Variants in LRRC75A observed in about 807,000 individuals in gnomAD.
LRRC75A encodes the protein leucine rich repeat containing 75A.
LRRC75A carries 12 observed loss-of-function variants against 26.0 expected under a neutral mutation model. The ratio of observed to expected loss-of-function variants is 0.46; its 90% CI spans 0.30 to 0.75. LRRC75A has a LOEUF of 0.75. Ranked by LOEUF, LRRC75A falls within the 30% of genes least tolerant of loss-of-function variation. The pLI, the probability that LRRC75A is intolerant of heterozygous loss-of-function variation, is 0.08. For synonymous variants in LRRC75A, 223 were observed against 219.3 expected, an observed-to-expected ratio of 1.02 and a Z score of -0.15; for missense variants, 410 against 486.6, an observed-to-expected ratio of 0.84 and a Z score of 1.48.
In LRRC75A at chr17:16,491,523, C is replaced by T. The variant is rs546026761; in HGVS notation, c.246+222G>A. On this transcript the variant is annotated intron_variant, in intron 1 of 3. Transcript: ENST00000470794. This position sits in a 1 kb window ranked among gnomAD's most constrained non-coding sequence, Gnocchi z 5.9. ...CATTATGCCAACAGGTCCCCTTCGGCGGGCCTCACCCGGCCAGCCTTCCTC... is the reference window on the plus strand; with the variant it reads ...CATTATGCCAACAGGTCCCCTTCGGTGGGCCTCACCCGGCCAGCCTTCCTC... 1.6e-3 allele frequency among the ~76,000 whole-genome samples: 240 copies of T among 152,344 alleles called. No individual in the cohort carries two copies. The highest frequency in any genetic ancestry group is 5.2e-3 in the African/African-American group (217 of 41,600).
intron 1 of LRRC75A, among the ~76,000 whole-genome samples, chr17:16,482,987 G>T (rs1306058595): frequency 6.6e-6 from 1 of 152,252 alleles, no homozygotes; most frequent in Non-Finnish European, 1.5e-5. Flanking sequence ...CTGGAGTGGG[G>T]ACAGGCTCCA....
chr17:16,452,329 A>C (rs1315970126), intron 2 of LRRC75A, among the ~76,000 whole-genome samples: 1 of 151,940 alleles, frequency 6.6e-6, no homozygotes, highest in Non-Finnish European at 1.5e-5. Context: ...CACTCCAGAC[A>C]GGGTGAGACC....
chr17:16,489,421 G>A (rs1172108854), intron 1 of LRRC75A, among the ~76,000 whole-genome samples: 1 of 152,204 alleles, frequency 6.6e-6, no homozygotes, highest in African/African-American at 2.4e-5. Context: ...CTGAGGAAGA[G>A]GTTCTTGCTG....
intron 1 of LRRC75A, among the ~76,000 whole-genome samples, chr17:16,486,019 C>G (rs1024787781): frequency 1.3e-5 from 2 of 152,190 alleles, no homozygotes; most frequent in Admixed American, 6.5e-5. Flanking sequence ...AGCCAAACCC[C>G]GCTGTCTCCT....
chr17:16,462,144 C>T lies in LRRC75A; in HGVS notation c.375+114G>A, dbSNP rs1170113283. On this transcript the variant is annotated intron_variant, in intron 2 of 3. Coordinates refer to ENST00000470794, the MANE Select transcript of LRRC75A (RefSeq NM_001113567.3). The surrounding 1 kb of genome is among the most constrained non-coding windows in gnomAD (Gnocchi z 4.6). ...AAGCTCTTGGTGCCTGGAGGACGGG[C>T]TTGTCCTCCTTGGGCCTGTCTGCCA... is the stretch of plus-strand genomic sequence containing the variant. The T allele has an allele frequency of 3.7e-6, 5 of 1,356,050 alleles. No homozygotes were observed. In the Admixed American group the frequency reaches 6.7e-5, roughly 18 times the overall value. 84.0% of individuals were successfully genotyped at this position (1,356,050 alleles called of 1,614,324 possible).
chr17:16,454,781 G>T (rs1343378655), intron 2 of LRRC75A, among the ~76,000 whole-genome samples: 1 of 151,908 alleles, frequency 6.6e-6, no homozygotes, highest in Non-Finnish European at 1.5e-5. Flanking sequence ...TGGGGTTTGG[G>T]GTCTTCATTT....
intron 1 of LRRC75A, among the ~76,000 whole-genome samples, chr17:16,487,645 G>C (rs1343753213): frequency 3.9e-5 from 6 of 152,208 alleles, no homozygotes; most frequent in Non-Finnish European, 8.8e-5. Context: ...ATGTTGCTCA[G>C]GCTGGTCTTG....
intron 3 of LRRC75A, among the ~76,000 whole-genome samples, chr17:16,445,085 G>A (rs1362453684): frequency 6.7e-6 from 1 of 149,416 alleles, no homozygotes; most frequent in Non-Finnish European, 1.5e-5. Flanking sequence ...CTGACCTCAG[G>A]TAATCCACCC....
At chr17:16,452,501 G>A (rs574541359) in intron 2 of LRRC75A, among the ~76,000 whole-genome samples, 32 of 151,738 alleles carry the variant, frequency 2.1e-4, no homozygotes, top group Non-Finnish European at 3.1e-4. Context: ...GCAGTGGCGC[G>A]GTCTTGGCTC....
At chr17:16,484,759 AG>A (rs1391760607) in intron 1 of LRRC75A, among the ~76,000 whole-genome samples, 1 of 152,126 alleles carries the variant, frequency 6.6e-6, no homozygotes, top group Non-Finnish European at 1.5e-5. Flanking sequence ...GCGGACACTG[AG>A]GGCCGAGCAG....
intron 1 of LRRC75A, among the ~76,000 whole-genome samples, chr17:16,466,040 T>C (rs2093766170): frequency 6.6e-6 from 1 of 152,212 alleles, no homozygotes; most frequent in Non-Finnish European, 1.5e-5. Context: ...ACATTATTGC[T>C]TTATTGCTTT....
chr17:16,472,381 G>A (rs2093809224), intron 1 of LRRC75A, among the ~76,000 whole-genome samples: 1 of 152,222 alleles, frequency 6.6e-6, no homozygotes, highest in South Asian at 2.1e-4. Flanking sequence ...GATGGCGGAA[G>A]GCGAGCAGGA....
chr17:16,482,653 T>G (rs2093837270), intron 1 of LRRC75A, among the ~76,000 whole-genome samples: 1 of 152,240 alleles, frequency 6.6e-6, no homozygotes, highest in South Asian at 2.1e-4. Context: ...TGCCGTGCCC[T>G]GCACCTGTGT....
At chr17:16,472,324 G>T (rs1320670738) in intron 1 of LRRC75A, among the ~76,000 whole-genome samples, 2 of 151,974 alleles carry the variant, frequency 1.3e-5, no homozygotes, top group Non-Finnish European at 2.9e-5. Context: ...AACCACAAAA[G>T]AACGCAGAAA....
intron 1 of LRRC75A, among the ~76,000 whole-genome samples, chr17:16,485,659 T>C (rs1162899302): frequency 7.6e-6 from 1 of 130,992 alleles, no homozygotes; most frequent in Non-Finnish European, 1.7e-5. Context: ...TGTGTGTGTG[T>C]GTGTGTGTGT....
intron 1 of LRRC75A, among the ~76,000 whole-genome samples, chr17:16,487,471 C>T (rs77970058): frequency 0.016 from 2,424 of 152,284 alleles, 64 homozygotes; most frequent in African/African-American, 0.055. Context: ...TAGGTCCTGG[C>T]TCTGTGGCCC....
At chr17:16,476,422 G>A (rs2093819788) in intron 1 of LRRC75A, among the ~76,000 whole-genome samples, 1 of 151,416 alleles carries the variant, frequency 6.6e-6, no homozygotes, top group South Asian at 2.1e-4. Context: ...TGTTTGCCTA[G>A]GCTGGTCTTG....
intron 2 of LRRC75A, among the ~76,000 whole-genome samples, chr17:16,459,751 T>C (rs2093713493): frequency 6.6e-6 from 1 of 152,172 alleles, no homozygotes; most frequent in Non-Finnish European, 1.5e-5. Flanking sequence ...GACCAGGATG[T>C]CCTGGTCAGC....
At position 16,443,427 on chromosome 17, in the gene LRRC75A, T is replaced by C. The variant is rs2143008002; in HGVS notation, c.*161A>G. ...GACCAACGGGAAGTTTTAACACAAATCCCCTTCCCCAGATGATATGGTTTG... is the reference window on the plus strand; with the variant it reads ...GACCAACGGGAAGTTTTAACACAAACCCCCTTCCCCAGATGATATGGTTTG... On this transcript the variant is annotated 3_prime_UTR_variant, in exon 4 of 4. Transcript: ENST00000470794. The C allele has an allele frequency of 1.6e-6, 1 of 609,308 alleles. No individual in the cohort carries two copies. 37.7% of individuals were successfully genotyped at this position (609,308 alleles called of 1,614,324 possible).
Sources: gnomAD v4.1 joint callset for allele counts (sites outside exome capture counted in the v4.1 genomes callset) on GRCh38, gnomAD v4.1.1 for gene constraint, Gnocchi (gnomAD v3.1) non-coding constraint, MANE v1.5 for transcripts, NCBI Gene and HGNC (gene_info 2026-07-23, HGNC 2026-07-21) for gene names.